The following ATRN variants were observed in gnomAD, a reference collection of about 807,000 sequenced individuals.
ATRN encodes attractin-2.
A neutral mutation model predicts 178.7 loss-of-function variants in ATRN; 54 were observed. The observed-to-expected ratio is 0.30, with a 90% confidence interval of 0.24 to 0.38. The LOEUF is 0.38. ATRN is among the 10% of genes least tolerant of loss of function. ATRN has a pLI of 1.00. For synonymous variants in ATRN, 636 were observed against 663.0 expected (o/e 0.96, Z 0.63); for missense variants, 1,443 against 1,815.1 (o/e 0.79, Z 3.73).
intron 24 of ATRN, among the ~76,000 whole-genome samples, chr20:3,609,752 A>G (rs679324): frequency 2.6e-3 from 271 of 102,980 alleles, no homozygotes; most frequent in Middle Eastern, 0.024. Flanking sequence ...GTGTGTGTGT[A>G]TAAAATAAAA....
rs766734857 is a variant in ATRN at position 3,535,262 on chromosome 20, A to G, written c.420A>G (p.Gly140=). Residue 140 remains glycine, a synonymous_variant, in exon 2 of 29, where the codon GGA becomes GGG. Coordinates refer to ENST00000262919, the MANE Select transcript of ATRN (RefSeq NM_139321.3). ...TTGATTTAAATTACAGACTAACTGG[A>G]TCTTCTGGGTTTGTGACAGATGGAC... is the stretch of plus-strand genomic sequence containing the variant. ...QHCGGRFRLT[G]SSGFVTDGPG... 2.7e-6 allele frequency: 4 copies of G among 1,508,528 alleles called. No homozygotes were observed. In the South Asian group the frequency reaches 5.4e-5, roughly 20 times the overall value. 93.4% of individuals were successfully genotyped at this position (1,508,528 alleles called of 1,614,324 possible).
chr20:3,500,734 C>G (rs1253096968), intron 1 of ATRN, among the ~76,000 whole-genome samples: 1 of 150,082 alleles, frequency 6.7e-6, no homozygotes, highest in Non-Finnish European at 1.5e-5. Flanking sequence ...ATACCTAATG[C>G]TAGATGACGA....
At chr20:3,634,546 C>T (rs1466680008) in intron 26 of ATRN, among the ~76,000 whole-genome samples, 157 bp downstream of exon 26, 1 of 152,186 alleles carries the variant, frequency 6.6e-6, no homozygotes, top group African/African-American at 2.4e-5. Flanking sequence ...CATGGTTCTG[C>T]AGCATATGGT....
At position 3,596,509 on chromosome 20, in the gene ATRN, TA is replaced by T. The variant is rs547379320; in HGVS notation, c.3469+82del. ...ATTGTTTAAACGGGTTTGAGAATAGTAAGTGCTATAAGACTATAGCAGCCAC... is the reference window on the plus strand; with the variant it reads ...ATTGTTTAAACGGGTTTGAGAATAGTAGTGCTATAAGACTATAGCAGCCAC... On this transcript the variant is annotated intron_variant, in intron 21 of 28. Transcript: ENST00000262919. The T allele has an allele frequency of 1.6e-4, 209 of 1,315,978 alleles. 6 individuals carry two copies. The South Asian group carries it at 2.4e-3, about 15-fold the overall frequency. 81.5% of individuals were successfully genotyped at this position (1,315,978 alleles called of 1,614,324 possible).
At chr20:3,568,175 C>T (rs2086065047) in intron 11 of ATRN, among the ~76,000 whole-genome samples, 1 of 151,764 alleles carries the variant, frequency 6.6e-6, no homozygotes, top group African/African-American at 2.4e-5. Flanking sequence ...CATGTAGTCC[C>T]AGCTTCTCGG....
At chr20:3,542,801 ATTTTTT>A (rs35265454) in intron 3 of ATRN, among the ~76,000 whole-genome samples, 1 of 130,494 alleles carries the variant, frequency 7.7e-6, no homozygotes, top group African/African-American at 2.9e-5. Context: ...TAATTTTTGT[ATTTTTT>A]TTTTTTTTTT....
chr20:3,577,061 CTG>C, intron 14 of ATRN, 64 bp downstream of exon 14: 2 of 1,578,466 alleles, frequency 1.3e-6, no homozygotes, highest in Non-Finnish European at 1.7e-6. Flanking sequence ...TCCCCCAACA[CTG>C]TGCAGCCTAA....
intron 3 of ATRN, among the ~76,000 whole-genome samples, chr20:3,542,072 T>C (rs1047043211): frequency 6.6e-6 from 1 of 152,228 alleles, no homozygotes; most frequent in Non-Finnish European, 1.5e-5. Flanking sequence ...AGAGGTTCAC[T>C]TACAAGGCCA....
intron 11 of ATRN, among the ~76,000 whole-genome samples, chr20:3,571,561 C>CTTTTTTTTTTTTTTTT (rs5839999): frequency 1.4e-5 from 2 of 142,632 alleles, no homozygotes; most frequent in Non-Finnish European, 1.5e-5. Flanking sequence ...ATTTTTTGTG[C>CTTTTTTTTTTTTTTTT]TTTTTTTTTT....
intron 15 of ATRN, among the ~76,000 whole-genome samples, chr20:3,579,380 G>A (rs1033938956): frequency 1.3e-5 from 2 of 152,166 alleles, no homozygotes; most frequent in African/African-American, 4.8e-5. Context: ...CAGCTACTCA[G>A]GAGGCCGAGG....
rs866797675 is a variant in ATRN, at chr20:3,557,907, T to C, written c.1113-1486T>C. On this transcript the variant is annotated intron_variant, in intron 6 of 28. Coordinates refer to ENST00000262919, the MANE Select transcript of ATRN (RefSeq NM_139321.3). ...CCAAAAATATGTAAAATAATAGTTA[T>C]GTGCAATTAATATTTAATAGTTGTC... 6.6e-5 allele frequency among the ~76,000 whole-genome samples: 10 copies of C among 152,350 alleles called. No homozygotes were observed. In the South Asian group the frequency reaches 2.1e-3, roughly 32 times the overall value.
At chr20:3,493,546 C>CA (rs1453192137) in intron 1 of ATRN, among the ~76,000 whole-genome samples, 2 of 152,112 alleles carry the variant, frequency 1.3e-5, no homozygotes, top group African/African-American at 4.8e-5. Flanking sequence ...CCTCCCAGCT[C>CA]AGCCTCCCAA....
At position 3,510,693 on chromosome 20, in the gene ATRN, C is replaced by T. The variant is rs139562688; in HGVS notation, c.411-24560C>T. ...TGTTCTTCTTAGATCTGGAGGCATA[C>T]GTTGCCCATCTGTCTGATTTTTTTA... On this transcript the variant is annotated intron_variant, in intron 1 of 28. Transcript: ENST00000262919. Among the ~76,000 whole-genome samples, 310 of 152,170 alleles carry T rather than the reference C, an allele frequency of 2.0e-3. 3 individuals carry two copies. Among genetic ancestry groups the T allele is most frequent in the Non-Finnish European group, 2.0e-3 (138 of 67,994 alleles).
At position 3,572,898 on chromosome 20, in the gene ATRN, T is replaced by C. The variant is rs1230804210; in HGVS notation, c.2039T>C (p.Leu680Pro). ...TGSSQCISWA[L>P]ATDEQEEKLK... ...TCGTCTCAGTGTATCTCGTGGGCGCTGGCAACTGATGAACAAGAAGAAAAG... is the reference window on the plus strand; with the variant it reads ...TCGTCTCAGTGTATCTCGTGGGCGCCGGCAACTGATGAACAAGAAGAAAAG... Residue 680 changes from leucine (L) to proline (P), a missense_variant, in exon 12 of 29, where the codon CTG becomes CCG. Physicochemically the swap from Leu to Pro is moderately conservative, Grantham distance 98 (BLOSUM62 -3). Around this residue, in one of 4 missense-constraint regions of ATRN, gnomAD observed 862 missense variants for 972.1 expected, o/e 0.89. Transcript: ENST00000262919. 1.2e-6 allele frequency: 2 copies of C among 1,613,988 alleles called. No individual in the cohort carries two copies. Among genetic ancestry groups the C allele is most frequent in the Admixed American group, 3.3e-5 (2 of 59,996 alleles).
In ATRN at chr20:3,616,561, C is replaced by T. The variant is rs569222963; in HGVS notation, c.3802-7950C>T. 7.9e-5 allele frequency among the ~76,000 whole-genome samples: 12 copies of T among 152,206 alleles called. No individual in the cohort carries two copies. In the South Asian group the frequency reaches 1.0e-3, roughly 13 times the overall value. ...CTTTCAGGAACTACCAGGAGTTTAG[C>T]AGAGCTGGTGACAGTGCTATGAGCA... On this transcript the variant is annotated intron_variant, in intron 24 of 28. Transcript: ENST00000262919.
intron 24 of ATRN, among the ~76,000 whole-genome samples, chr20:3,622,700 C>T (rs1281860063): frequency 1.3e-5 from 2 of 152,212 alleles, no homozygotes; most frequent in African/African-American, 4.8e-5. Flanking sequence ...TGACCTTTGC[C>T]TCCTCACACA....
intron 1 of ATRN, among the ~76,000 whole-genome samples, chr20:3,532,835 T>C (rs558054969): frequency 6.6e-6 from 1 of 152,068 alleles, no homozygotes; most frequent in East Asian, 1.9e-4. Context: ...CGATCTTGGC[T>C]CACTGCAAGC....
intron 2 of ATRN, among the ~76,000 whole-genome samples, chr20:3,538,710 C>G (rs1288334298): frequency 6.6e-6 from 1 of 152,150 alleles, no homozygotes; most frequent in Non-Finnish European, 1.5e-5. Flanking sequence ...CACCAGACTG[C>G]TTTTCACCTC....
chr20:3,629,168 G>C (rs946059509), intron 25 of ATRN: 2 of 985,090 alleles, frequency 2.0e-6, no homozygotes, highest in African/African-American at 1.8e-5. Flanking sequence ...TCACAGTCTC[G>C]CCTGGACCTT....
Sources: gnomAD v4.1 joint callset for allele counts (sites outside exome capture counted in the v4.1 genomes callset) on GRCh38, gnomAD v4.1.1 for gene constraint, gnomAD v4.1.1 regional missense constraint, MANE v1.5 for transcripts, NCBI Gene and HGNC (gene_info 2026-07-23, HGNC 2026-07-21) for gene names.